CDRT4: variants seen among roughly 807,000 people sequenced by gnomAD.
CDRT4 encodes CMT1A duplicated region transcript 4.
For missense variants in CDRT4, 167 were observed against 193.1 expected (o/e 0.87, Z 0.80); for synonymous variants, 64 against 69.6 (o/e 0.92, Z 0.40).
At chr17:15,440,903 T>A (rs950191761) in intron 2 of CDRT4, among the ~76,000 whole-genome samples, 1 of 152,118 alleles carries the variant, frequency 6.6e-6, no homozygotes, top group African/African-American at 2.4e-5. Context: ...CCCAGATTGC[T>A]GAGCCCACCT....
intron 2 of CDRT4, among the ~76,000 whole-genome samples, chr17:15,446,924 T>C (rs911430632): frequency 6.6e-6 from 1 of 152,218 alleles, no homozygotes; most frequent in African/African-American, 2.4e-5. Context: ...CCATTCAACA[T>C]ATTCATTCAT....
Position 15,436,858 on chromosome 17 carries a change from G to A in CDRT4, c.*915C>T, listed in dbSNP as rs1379350965. 1 of 152,152 alleles carries A rather than the reference G, an allele frequency of 6.6e-6. No homozygotes were observed. Among genetic ancestry groups the A allele is most frequent in the Non-Finnish European group, 1.5e-5 (1 of 68,060 alleles). 9.4% of individuals were successfully genotyped at this position (152,152 alleles called of 1,614,324 possible). ...CCTATGCTTGGAGATGCTGGGGCTG[G>A]GATTCTACAAACCACATTCTGGCTT... is the stretch of plus-strand genomic sequence containing the variant. On this transcript the variant is annotated 3_prime_UTR_variant, in exon 4 of 4. Transcript: ENST00000619038.
chr17:15,463,693 C>G (rs1385960783), intron 1 of CDRT4, among the ~76,000 whole-genome samples: 1 of 152,168 alleles, frequency 6.6e-6, no homozygotes, highest in Non-Finnish European at 1.5e-5. Flanking sequence ...GCTCTCCACT[C>G]TCCACTGTGC....
intron 2 of CDRT4, among the ~76,000 whole-genome samples, chr17:15,441,200 C>G (rs1567608653): frequency 6.6e-6 from 1 of 152,182 alleles, no homozygotes; most frequent in Non-Finnish European, 1.5e-5. Context: ...TCAGATAATT[C>G]TGAACAGCTC....
intron 1 of CDRT4, among the ~76,000 whole-genome samples, chr17:15,455,487 T>G (rs564861579): frequency 6.6e-6 from 1 of 152,308 alleles, no homozygotes; most frequent in Non-Finnish European, 1.5e-5. Context: ...TGAAATCCCC[T>G]CCCCTGAGTA....
chr17:15,446,004 T>C (rs1470521844), intron 2 of CDRT4, among the ~76,000 whole-genome samples: 1 of 152,044 alleles, frequency 6.6e-6, no homozygotes, highest in Admixed American at 6.6e-5. Context: ...CTCTAGCCAC[T>C]CCTCATTTAT....
chr17:15,458,017 G>A lies in CDRT4; in HGVS notation c.-129-4932C>T, dbSNP rs377339057. The stretch of plus-strand genomic sequence containing the variant: ...TTTCCATTTCCTTTGCCTCCCAGCA[G>A]GCCGTGAAAGAGTCACTTTTCCTTG... On this transcript the variant is annotated intron_variant, in intron 1 of 3. Coordinates refer to ENST00000619038, the MANE Select transcript of CDRT4 (RefSeq NM_001204477.2). Among the ~76,000 whole-genome samples, 3 of 152,234 alleles carry A rather than the reference G, an allele frequency of 2.0e-5. No homozygotes were observed. In the East Asian group the frequency reaches 5.8e-4, roughly 29 times the overall value.
chr17:15,447,941 A>G (rs1017087499), intron 2 of CDRT4, among the ~76,000 whole-genome samples: 1 of 152,210 alleles, frequency 6.6e-6, no homozygotes, highest in Non-Finnish European at 1.5e-5. Flanking sequence ...GAAAGCAAAC[A>G]TGAAAGGCTT....
rs1234556616 is a variant in CDRT4, at chr17:15,450,933, T to C, written c.-48+2071A>G. On this transcript the variant is annotated intron_variant, in intron 2 of 3. Coordinates refer to ENST00000619038, the MANE Select transcript of CDRT4 (RefSeq NM_001204477.2). The surrounding 1 kb of genome is among the most constrained non-coding windows in gnomAD (Gnocchi z 4.2). ...CAAACCCAGCATGATTTAACTTCTC[T>C]ACACCACCAGCCTCCTCTAAGACAT... Among the ~76,000 whole-genome samples, 1 of 152,152 alleles carries C rather than the reference T, an allele frequency of 6.6e-6. No homozygotes were observed. The highest frequency in any genetic ancestry group is 1.5e-5 in the Non-Finnish European group (1 of 68,034).
At chr17:15,440,538 C>T (rs1048657273) in intron 2 of CDRT4, among the ~76,000 whole-genome samples, 1 of 152,134 alleles carries the variant, frequency 6.6e-6, no homozygotes, top group Admixed American at 6.5e-5. Context: ...GCTTTCCAGT[C>T]TCCTAACTTT....
Position 15,437,864 on chromosome 17 carries a change from G to A in CDRT4, c.368C>T (p.Ala123Val), listed in dbSNP as rs61742154. Residue 123 changes from alanine (A) to valine (V), a missense_variant, in exon 4 of 4, where the codon GCG (alanine) becomes GTG (valine). By Grantham distance (64) the Ala-to-Val change is moderately conservative. Transcript: ENST00000619038. ...TTCAGTTGGACAGTCTCTGGAATCC[G>A]CATGTAAGTGTGTGGGTTCTGGGAT... is the stretch of plus-strand genomic sequence containing the variant. ...TMIPEPTHLH[A>V]DSRDCPTENY... 2,327 of 1,614,152 alleles carry A rather than the reference G, an allele frequency of 1.4e-3. 23 individuals carry two copies. In the African/African-American group the frequency reaches 0.027, roughly 19 times the overall value.
Position 15,449,023 on chromosome 17 carries a change from T to A in CDRT4, c.-48+3981A>T, listed in dbSNP as rs58586132. Among the ~76,000 whole-genome samples, 759 of 152,272 alleles carry A rather than the reference T, an allele frequency of 5.0e-3. 4 individuals are homozygous for A. Among genetic ancestry groups the A allele is most frequent in the African/African-American group, 0.017 (717 of 41,528 alleles). On this transcript the variant is annotated intron_variant, in intron 2 of 3. Transcript: ENST00000619038. ...CTGTTCTTATCATCCCCAATAACGA[T>A]GCTACATCCAAAATCTAAGCTGCAA... is the stretch of plus-strand genomic sequence containing the variant.
At chr17:15,451,089 C>T (rs144926066) in intron 2 of CDRT4, among the ~76,000 whole-genome samples, 263 of 152,290 alleles carry the variant, frequency 1.7e-3, no homozygotes, top group African/African-American at 6.0e-3. Flanking sequence ...ATAATCCCCA[C>T]GTGTTGTGGG....
Position 15,438,107 on chromosome 17 carries a change from C to CT in CDRT4, c.124dup (p.Arg42LysfsTer4). The stretch of plus-strand genomic sequence containing the variant: ...TCTAGTTTTGCTTTTCTCAATGAGT[C>CT]TTTTCACTGTCTGAGAGGTATAGGT... On this transcript the variant is annotated frameshift_variant, in exon 4 of 4. Transcript: ENST00000619038. LOFTEE classifies it low-confidence loss of function (END_TRUNC). 1 of 1,614,130 alleles carries CT rather than the reference C, an allele frequency of 6.2e-7. No individual in the cohort carries two copies. Among genetic ancestry groups the CT allele is most frequent in the Non-Finnish European group, 8.5e-7 (1 of 1,180,012 alleles).
chr17:15,456,563 T>TAC (rs3029212), intron 1 of CDRT4, among the ~76,000 whole-genome samples: 24,081 of 145,570 alleles, frequency 0.17, 2,964 homozygotes, highest in East Asian at 0.45. Context: ...AATCTTCCTT[T>TAC]ACACACACAC....
chr17:15,443,046 T>C (rs2906986), intron 2 of CDRT4, among the ~76,000 whole-genome samples: 151,343 of 152,220 alleles, frequency 0.99, 75,238 homozygotes, highest in Middle Eastern at 1. Flanking sequence ...AAGTTCAGAC[T>C]ACTGGGCTTT....
intron 2 of CDRT4, chr17:15,443,724 G>A: frequency 2.1e-6 from 1 of 472,464 alleles, no homozygotes; most frequent in Non-Finnish European, 4.1e-6. Context: ...ATCGTGAAGG[G>A]CCCCAGAGGG....
intron 3 of CDRT4, 27 bp from the exon 4 acceptor site, chr17:15,438,227 T>C: frequency 6.2e-7 from 1 of 1,601,184 alleles, no homozygotes. Flanking sequence ...ATGCAGGCCA[T>C]TTAGAGGCAG....
chr17:15,458,590 G>A (rs1278617039), intron 1 of CDRT4, among the ~76,000 whole-genome samples: 2 of 152,162 alleles, frequency 1.3e-5, no homozygotes, highest in African/African-American at 4.8e-5. Context: ...TAAATGTCCA[G>A]CATGACAGTC....
Sources: allele counts gnomAD v4.1 joint callset (sites outside exome capture counted in the v4.1 genomes callset), GRCh38; gene constraint gnomAD v4.1.1; non-coding constraint Gnocchi (gnomAD v3.1); transcripts MANE v1.5; gene names NCBI Gene and HGNC (gene_info 2026-07-23, HGNC 2026-07-21).